The following OLFM3 variants were observed in gnomAD, a reference collection of about 807,000 sequenced individuals.
OLFM3 encodes olfactomedin 3.
OLFM3 carries 20 observed loss-of-function variants against 48.6 expected under a neutral mutation model. The ratio of observed to expected loss-of-function variants is 0.41; its 90% confidence interval spans 0.29 to 0.60. OLFM3 has a LOEUF of 0.60. Ranked by LOEUF, OLFM3 falls within the 20% of genes least tolerant of loss-of-function variation. The pLI is 0.28. For missense variants in OLFM3, 437 were observed against 544.3 expected (o/e 0.80, Z 1.96); for synonymous variants, 222 against 198.1 (o/e 1.12, Z -1.01).
intron 1 of OLFM3, chr1:101,837,911 A>C (rs963012595): frequency 2.0e-5 from 3 of 152,190 alleles, no homozygotes; most frequent in Non-Finnish European, 4.4e-5. Context: ...GTTGTGAAGA[A>C]ACTGTCTGTA....
chr1:101,937,208 C>T (rs2101054875), intron 1 of OLFM3, among the ~76,000 whole-genome samples: 1 of 152,296 alleles, frequency 6.6e-6, no homozygotes, highest in East Asian at 1.9e-4. Flanking sequence ...CTTGCAAGGG[C>T]TACATGCTTT....
intron 1 of OLFM3, among the ~76,000 whole-genome samples, chr1:101,919,851 A>G (rs905138731): frequency 2.0e-5 from 3 of 152,182 alleles, no homozygotes; most frequent in Non-Finnish European, 4.4e-5. Context: ...TAAACTCAGC[A>G]TATCCTAAAC....
At chr1:101,962,541 C>G (rs1660496589) in intron 1 of OLFM3, among the ~76,000 whole-genome samples, 1 of 151,926 alleles carries the variant, frequency 6.6e-6, no homozygotes, top group Admixed American at 6.6e-5. Flanking sequence ...GATAATGTAT[C>G]CAATGGGGTG....
intron 1 of OLFM3, among the ~76,000 whole-genome samples, chr1:101,926,093 T>C (rs1659262189): frequency 6.6e-6 from 1 of 152,192 alleles, no homozygotes; most frequent in South Asian, 2.1e-4. Flanking sequence ...GTAATGAATA[T>C]GCTATGCTTT....
At chr1:101,880,287 A>G (rs1657469194) in intron 1 of OLFM3, among the ~76,000 whole-genome samples, 2 of 151,810 alleles carry the variant, frequency 1.3e-5, no homozygotes, top group Non-Finnish European at 2.9e-5. Flanking sequence ...GACAGTTTCT[A>G]GAGTAGTTTT....
At chr1:101,950,054 A>T (rs1458182332) in intron 1 of OLFM3, among the ~76,000 whole-genome samples, 1 of 150,568 alleles carries the variant, frequency 6.6e-6, no homozygotes, top group Non-Finnish European at 1.5e-5. Context: ...AAAAAGAAAA[A>T]GCCTCTGATG....
intron 1 of OLFM3, among the ~76,000 whole-genome samples, chr1:101,853,883 C>G (rs955426991): frequency 3.9e-5 from 6 of 151,962 alleles, no homozygotes; most frequent in Non-Finnish European, 8.8e-5. Context: ...AGAATGCAAG[C>G]ACTTTTGGTC....
intron 1 of OLFM3, among the ~76,000 whole-genome samples, chr1:101,943,195 C>T (rs1030764129): frequency 6.6e-5 from 10 of 152,154 alleles, no homozygotes; most frequent in Non-Finnish European, 8.8e-5. Context: ...GGCAGACTGT[C>T]TTAAATAATC....
chr1:101,910,536 C>T (rs1300930681), intron 1 of OLFM3, among the ~76,000 whole-genome samples: 1 of 150,564 alleles, frequency 6.6e-6, no homozygotes, highest in African/African-American at 2.5e-5. Flanking sequence ...TAAATTCAGA[C>T]TTCTGTCCTC....
chr1:101,996,612 G>A lies in OLFM3; in HGVS notation c.69+136C>T. The A allele has an allele frequency of 3.6e-6, 3 of 824,308 alleles. No individual in the cohort carries two copies. In the South Asian group the frequency reaches 4.7e-5, roughly 13 times the overall value. The allele number at this position is 824,308 out of a possible 1,614,324, so 51.1% of individuals were successfully genotyped here. A position where few individuals can be genotyped will look rare whatever the true frequency, so the allele number is the denominator to read the frequency against. ...TTCACCTTGTTATGTTCCAAGCAGT[G>A]GGGATACGCCAGACACCATAAGGTA... is the stretch of plus-strand genomic sequence containing the variant. On this transcript the variant is annotated intron_variant, in intron 1 of 5. Coordinates refer to ENST00000370103, the MANE Select transcript of OLFM3 (RefSeq NM_058170.4).
intron 1 of OLFM3, among the ~76,000 whole-genome samples, chr1:101,885,761 G>T (rs1657730690): frequency 6.6e-6 from 1 of 152,078 alleles, no homozygotes; most frequent in Admixed American, 6.6e-5. Flanking sequence ...ACCACAAAAT[G>T]TGTGTCAATT....
chr1:101,816,447 G>A (rs2100880029), intron 4 of OLFM3, among the ~76,000 whole-genome samples: 1 of 152,284 alleles, frequency 6.6e-6, no homozygotes, highest in Admixed American at 6.5e-5. Flanking sequence ...GTAACCATGA[G>A]TAATCATGTG....
At chr1:101,847,610 C>G (rs1656060406) in intron 1 of OLFM3, among the ~76,000 whole-genome samples, 1 of 152,096 alleles carries the variant, frequency 6.6e-6, no homozygotes, top group African/African-American at 2.4e-5. Flanking sequence ...CTGCTTGTGG[C>G]AAACATTACC....
At chr1:101,959,332 C>T (rs6693759) in intron 1 of OLFM3, among the ~76,000 whole-genome samples, 79,484 of 143,006 alleles carry the variant, frequency 0.56, 21,209 homozygotes, top group East Asian at 0.74. Flanking sequence ...TTCTTTCCTC[C>T]CCTCCTTTTT....
intron 1 of OLFM3, among the ~76,000 whole-genome samples, chr1:101,939,182 A>G (rs1188539418): frequency 6.6e-6 from 1 of 152,204 alleles, no homozygotes; most frequent in Non-Finnish European, 1.5e-5. Flanking sequence ...TAACTCATAT[A>G]CTAAACTTCA....
intron 2 of OLFM3, among the ~76,000 whole-genome samples, chr1:101,836,000 T>C (rs532128687): frequency 6.6e-6 from 1 of 152,350 alleles, no homozygotes; most frequent in African/African-American, 2.4e-5. Context: ...CTTCATTTTT[T>C]GTTAAAAAGT....
chr1:101,829,216 T>C (rs1557692010), intron 3 of OLFM3, among the ~76,000 whole-genome samples: 1 of 152,174 alleles, frequency 6.6e-6, no homozygotes, highest in Non-Finnish European at 1.5e-5. Context: ...TTCTTCTCTG[T>C]TTACCATTTA....
intron 4 of OLFM3, among the ~76,000 whole-genome samples, chr1:101,807,145 A>C (rs77202016): frequency 0.018 from 2,678 of 151,746 alleles, 40 homozygotes; most frequent in Non-Finnish European, 0.025. Flanking sequence ...TATTTTAGGG[A>C]TACATGTGCA....
chr1:101,917,460 A>G (rs1194145526), intron 1 of OLFM3, among the ~76,000 whole-genome samples: 1 of 151,680 alleles, frequency 6.6e-6, no homozygotes, highest in Non-Finnish European at 1.5e-5. Context: ...TCTGTTGCCC[A>G]GGCGGAAGTG....
Sources: allele counts gnomAD v4.1 joint callset (sites outside exome capture counted in the v4.1 genomes callset), GRCh38; gene constraint gnomAD v4.1.1; transcripts MANE v1.5; gene names NCBI Gene and HGNC (gene_info 2026-07-23, HGNC 2026-07-21).